Variants in PDE4B observed in about 807,000 individuals in gnomAD.
PDE4B encodes the protein 3',5'-cyclic-AMP phosphodiesterase 4B.
In PDE4B, 20 loss-of-function variants were observed where a neutral mutation model predicts 82.2. The observed-to-expected ratio is 0.24, with a 90% CI of 0.17 to 0.35. The LOEUF (loss-of-function observed/expected upper bound fraction) is 0.35. Among genes scored for constraint, PDE4B ranks in the 10% least tolerant of loss-of-function variants. The probability of loss-of-function intolerance (pLI) is 1.00; values close to 1 mark genes in which losing one functional copy is unlikely to be tolerated. For missense variants in PDE4B, 655 were observed against 907.2 expected (o/e 0.72, Z 3.57); for synonymous variants, 320 against 318.9 (o/e 1.00, Z -0.04).
At chr1:66,223,578 T>A (rs1557644251) in intron 3 of PDE4B, among the ~76,000 whole-genome samples, 1 of 152,178 alleles carries the variant, frequency 6.6e-6, no homozygotes, top group Non-Finnish European at 1.5e-5. Flanking sequence ...CATGGAGATT[T>A]CCTCCATCCC....
At chr1:65,836,616 C>CT (rs146644443) in intron 1 of PDE4B, among the ~76,000 whole-genome samples, 17 of 151,470 alleles carry the variant, frequency 1.1e-4, no homozygotes, top group Non-Finnish European at 1.8e-4. Flanking sequence ...TCTCTGACAG[C>CT]TTTTTTTTTC....
At chr1:66,186,691 C>A (rs7546323) in intron 3 of PDE4B, among the ~76,000 whole-genome samples, 1 of 151,656 alleles carries the variant, frequency 6.6e-6, no homozygotes, top group East Asian at 1.9e-4. Context: ...TTTGTATCCT[C>A]AGACTTTGCT....
At chr1:65,934,763 G>A (rs1257052727) in intron 3 of PDE4B, among the ~76,000 whole-genome samples, 7 of 152,080 alleles carry the variant, frequency 4.6e-5, no homozygotes, top group Non-Finnish European at 1.0e-4. Context: ...GTAAAAATTA[G>A]CACAAGATAC....
intron 1 of PDE4B, among the ~76,000 whole-genome samples, chr1:65,815,857 G>T (rs1645877669): frequency 6.6e-6 from 1 of 152,140 alleles, no homozygotes; most frequent in African/African-American, 2.4e-5. Flanking sequence ...TGCTATATAA[G>T]GAAGGAACCA....
intron 3 of PDE4B, among the ~76,000 whole-genome samples, chr1:66,073,156 T>G (rs1656246059): frequency 6.6e-6 from 1 of 152,074 alleles, no homozygotes; most frequent in Non-Finnish European, 1.5e-5. Flanking sequence ...TGTGTCCTGC[T>G]GTGTCTGCTG....
At chr1:66,075,937 A>T (rs1157549747) in intron 3 of PDE4B, among the ~76,000 whole-genome samples, 1 of 146,764 alleles carries the variant, frequency 6.8e-6, no homozygotes, top group Non-Finnish European at 1.5e-5. Flanking sequence ...AAAAAACAAA[A>T]CACCATGGGC....
chr1:66,044,209 C>T (rs1570072412), intron 3 of PDE4B, among the ~76,000 whole-genome samples: 1 of 151,606 alleles, frequency 6.6e-6, no homozygotes, highest in South Asian at 2.1e-4. Context: ...GTGTTTCTAC[C>T]TGTTTTAAAC....
chr1:66,197,843 A>AG (rs1293173588), intron 3 of PDE4B, among the ~76,000 whole-genome samples: 19 of 152,020 alleles, frequency 1.2e-4, no homozygotes, highest in Middle Eastern at 3.2e-3. Context: ...TGAGAGAGAG[A>AG]AAAAAAAGAA....
chr1:66,006,239 A>G (rs759604676), intron 3 of PDE4B, among the ~76,000 whole-genome samples: 1 of 152,166 alleles, frequency 6.6e-6, no homozygotes, highest in Non-Finnish European at 1.5e-5. Context: ...TCCTTTGTCA[A>G]TGGATAAACA....
intron 3 of PDE4B, among the ~76,000 whole-genome samples, chr1:66,193,772 A>G (rs1648027161): frequency 6.6e-6 from 1 of 152,144 alleles, no homozygotes; most frequent in Admixed American, 6.6e-5. Context: ...GAATGCTTAT[A>G]TGGAACTATT....
intron 7 of PDE4B, among the ~76,000 whole-genome samples, chr1:66,272,515 T>C (rs536611484): frequency 6.6e-6 from 1 of 152,284 alleles, no homozygotes; most frequent in South Asian, 2.1e-4. Flanking sequence ...CCAAATTCAT[T>C]CACCTACACA....
chr1:66,360,478 A>G (rs1300366905), intron 9 of PDE4B: 1 of 152,228 alleles, frequency 6.6e-6, no homozygotes, highest in Non-Finnish European at 1.5e-5. Context: ...GCCATCTGGG[A>G]GCATGTCATT....
intron 7 of PDE4B, among the ~76,000 whole-genome samples, chr1:66,308,313 T>TAG: frequency 6.6e-6 from 1 of 152,264 alleles, no homozygotes. Flanking sequence ...TGCAAGGAAT[T>TAG]AGAGAGTTCA....
chr1:65,886,026 T>C (rs1553195856), intron 1 of PDE4B, among the ~76,000 whole-genome samples: 1 of 151,530 alleles, frequency 6.6e-6, no homozygotes, highest in Non-Finnish European at 1.5e-5. Flanking sequence ...AAGTTGAAGA[T>C]ACATTCTGGA....
intron 3 of PDE4B, among the ~76,000 whole-genome samples, chr1:66,211,392 C>T (rs956328504): frequency 3.9e-5 from 6 of 152,174 alleles, no homozygotes; most frequent in African/African-American, 1.4e-4. Flanking sequence ...GATGATGCTT[C>T]TTTCTAATTT....
At chr1:66,307,571 G>T (rs1165605770) in intron 7 of PDE4B, among the ~76,000 whole-genome samples, 2 of 152,168 alleles carry the variant, frequency 1.3e-5, no homozygotes, top group Non-Finnish European at 2.9e-5. Flanking sequence ...ATGGGAATTT[G>T]TGAATAGTGG....
chr1:66,235,443 AATC>A (rs1255200449), intron 3 of PDE4B, among the ~76,000 whole-genome samples: 1 of 152,210 alleles, frequency 6.6e-6, no homozygotes, highest in South Asian at 2.1e-4. Flanking sequence ...ATCATTATGA[AATC>A]ATCCTTTTTA....
In PDE4B at chr1:65,844,660, C is replaced by T. The variant is rs561046640; in HGVS notation, c.-71+51412C>T. On this transcript the variant is annotated intron_variant, in intron 1 of 16. Coordinates refer to ENST00000341517, the MANE Select transcript of PDE4B (RefSeq NM_002600.4). ...TTCCAAGACTGTTTAGTGACCAAAA[C>T]CAAAAAGGCTGCTGTCTTTAATATG... 9.2e-5 allele frequency among the ~76,000 whole-genome samples: 14 copies of T among 152,208 alleles called. 2 individuals are homozygous for T. The highest frequency in any genetic ancestry group is 3.1e-4 in the African/African-American group (13 of 41,536).
chr1:65,950,566 G>A (rs998613397), intron 3 of PDE4B, among the ~76,000 whole-genome samples: 1 of 151,972 alleles, frequency 6.6e-6, no homozygotes, highest in Non-Finnish European at 1.5e-5. Flanking sequence ...GTCTCAGGAG[G>A]GACTAGCTTC....
Sources: gnomAD v4.1 joint callset for allele counts (sites outside exome capture counted in the v4.1 genomes callset) on GRCh38, gnomAD v4.1.1 for gene constraint, MANE v1.5 for transcripts, NCBI Gene and HGNC (gene_info 2026-07-23, HGNC 2026-07-21) for gene names.